Variants in ZNF229 observed in about 807,000 individuals in gnomAD.
ZNF229 encodes the protein zinc finger protein 229.
ZNF229 carries 10 observed loss-of-function variants against 11.8 expected under a neutral mutation model. The observed-to-expected ratio is 0.85, with a 90% CI of 0.52 to 1.44. ZNF229 has a LOEUF of 1.44. Ranked by LOEUF, ZNF229 falls within the 40% of genes most tolerant of loss-of-function variation. The pLI, the probability that ZNF229 is intolerant of heterozygous loss-of-function variation, is 0.00. For missense variants in ZNF229, 1,045 were observed against 1,015.1 expected (o/e 1.03, Z -0.40); for synonymous variants, 368 against 374.8 (o/e 0.98, Z 0.21).
Position 44,430,505 on chromosome 19 carries a change from A to T in ZNF229, c.276T>A (p.Asp92Glu). The part of the protein sequence containing the change: ...KNGKDTEYIQ[D>E]EELRFFSHKE... ...TGTGTGAAAAGAACCTTAATTCTTC[A>T]TCTTGAATATACTCCGTATCCTTTC... The change falls in exon 6 of 6, where the codon GAT becomes GAA. Residue 92 changes from aspartate to glutamate, a missense_variant. Asp to Glu is a conservative substitution (Grantham distance 45). Coordinates refer to ENST00000614049, the MANE Select transcript of ZNF229 (RefSeq NM_014518.4). 1 of 1,614,082 alleles carries T rather than the reference A, an allele frequency of 6.2e-7. No individual in the cohort carries two copies. Among genetic ancestry groups the T allele is most frequent in the Non-Finnish European group, 8.5e-7 (1 of 1,180,012 alleles).
At chr19:44,445,412 C>T (rs763416684) in intron 2 of ZNF229, among the ~76,000 whole-genome samples, 5 of 152,206 alleles carry the variant, frequency 3.3e-5, no homozygotes, top group Admixed American at 2.6e-4. Flanking sequence ...AAAGACCTTA[C>T]ACTATCTTCC....
At chr19:44,442,713 C>G in intron 3 of ZNF229, 92 bp from the exon 4 acceptor site, 3 of 1,603,572 alleles carry the variant, frequency 1.9e-6, no homozygotes, top group Non-Finnish European at 2.6e-6. Flanking sequence ...GCTTTACAGA[C>G]TGGTTTCTTC....
chr19:44,441,393 A>G (rs1418232650), intron 4 of ZNF229, among the ~76,000 whole-genome samples: 1 of 152,236 alleles, frequency 6.6e-6, no homozygotes, highest in Non-Finnish European at 1.5e-5. Flanking sequence ...AAATTATTTC[A>G]CAATCTCTTT....
intron 2 of ZNF229, among the ~76,000 whole-genome samples, chr19:44,446,050 T>C (rs771957819): frequency 5.3e-5 from 8 of 152,220 alleles, no homozygotes; most frequent in Admixed American, 2.6e-4. Flanking sequence ...GAATATCTAC[T>C]GTGTTCCATG....
At chr19:44,442,761 C>T in intron 3 of ZNF229, 53 bp downstream of exon 3, 1 of 1,610,744 alleles carries the variant, frequency 6.2e-7, no homozygotes, top group Non-Finnish European at 8.5e-7. Flanking sequence ...ACTTTTTCTC[C>T]TCCACACTCA....
Position 44,430,284 on chromosome 19 carries a change from A to T in ZNF229, c.497T>A (p.Ile166Asn). The change falls in exon 6 of 6, where the codon ATC becomes AAC. Residue 166 changes from isoleucine to asparagine, a missense_variant. Transcript: ENST00000614049. ...TGGAAACTGTTGATTTTCTAGACCG[A>T]TAAGCCCATCCCCTTGTAGACTGTC... Reference protein sequence around the residue: ...FLDSLQGDGLIGLENQQFPAW... With the variant: ...FLDSLQGDGLNGLENQQFPAW... 9 of 1,614,130 alleles carry T rather than the reference A, an allele frequency of 5.6e-6. No individual in the cohort carries two copies. Among genetic ancestry groups the T allele is most frequent in the Non-Finnish European group, 7.6e-6 (9 of 1,180,046 alleles).
Position 44,430,002 on chromosome 19 carries a change from G to A in ZNF229, c.779C>T (p.Pro260Leu). 6.2e-7 allele frequency: 1 copy of A among 1,614,104 alleles called. No individual in the cohort carries two copies. Among genetic ancestry groups the A allele is most frequent in the African/African-American group, 1.3e-5 (1 of 74,990 alleles). ...GTTACTTTTCAAGCCATTCTCTCCA[G>A]GGTTAATGCGATGAAGTACAGAGTT... ...IKNSVLHRIN[P>L]GENGLKSNEY... is the part of the protein sequence containing the mutation. The change falls in exon 6 of 6, where the codon CCT (proline) becomes CTT (leucine). Residue 260 changes from proline to leucine, a missense_variant. Coordinates refer to ENST00000614049, the MANE Select transcript of ZNF229 (RefSeq NM_014518.4).
intron 4 of ZNF229, among the ~76,000 whole-genome samples, chr19:44,434,944 G>C (rs1971786979): frequency 6.6e-6 from 1 of 152,050 alleles, no homozygotes; most frequent in African/African-American, 2.4e-5. Context: ...CTGTTCTCAT[G>C]ATGGTGAATA....
chr19:44,442,171 C>A (rs1385225461), intron 4 of ZNF229, among the ~76,000 whole-genome samples: 1 of 152,108 alleles, frequency 6.6e-6, no homozygotes, highest in Non-Finnish European at 1.5e-5. Context: ...GGGTCTACTA[C>A]ATGGAGAACA....
In ZNF229 at chr19:44,430,081, G is replaced by T; in HGVS notation, c.700C>A (p.Pro234Thr). 1 of 1,614,062 alleles carries T rather than the reference G, an allele frequency of 6.2e-7. No individual in the cohort carries two copies. The highest frequency in any genetic ancestry group is 8.5e-7 in the Non-Finnish European group (1 of 1,180,030). Reference sequence around the variant, plus strand: ...CAACCACACGGCTTGTCTATTTCAGGGAATCTGTGATCAACATGACAAGAT... The same window carrying T: ...CAACCACACGGCTTGTCTATTTCAGTGAATCTGTGATCAACATGACAAGAT... Reference protein sequence around the residue: ...WISCHVDHRFPEIDKPCGCNK... With the variant: ...WISCHVDHRFTEIDKPCGCNK... The change falls in exon 6 of 6, where the codon CCT becomes ACT. Residue 234 changes from proline (P) to threonine (T), a missense_variant. Physicochemically the swap from Pro to Thr is conservative, Grantham distance 38. Transcript: ENST00000614049.
At position 44,428,391 on chromosome 19, in the gene ZNF229, G is replaced by T. The variant is rs778421395; in HGVS notation, c.2390C>A (p.Thr797Lys). Residue 797 changes from threonine (T) to lysine (K), a missense_variant, in exon 6 of 6, where the codon ACG (threonine) becomes AAG (lysine). Transcript: ENST00000614049. ...GAAGCCTTTCCCACACACACCACAC[G>T]TATAGGGCTTCTCTCCAGTGTGGAC... is the stretch of plus-strand genomic sequence containing the variant. ...QRVHTGEKPYTCGVCGKGFSY... is the reference protein window; with the variant it reads ...QRVHTGEKPYKCGVCGKGFSY... The T allele has an allele frequency of 6.2e-7, 1 of 1,614,010 alleles. No individual in the cohort carries two copies. The highest frequency in any genetic ancestry group is 8.5e-7 in the Non-Finnish European group (1 of 1,180,002).
intron 4 of ZNF229, among the ~76,000 whole-genome samples, chr19:44,434,631 G>C (rs1173553292): frequency 6.6e-6 from 1 of 152,180 alleles, no homozygotes; most frequent in Non-Finnish European, 1.5e-5. Context: ...AAGCTTTCTT[G>C]AGAACTGCAT....
chr19:44,428,464 A>G lies in ZNF229; in HGVS notation c.2317T>C (p.Cys773Arg). ...GAGTTGCGGCCAAAGCCCTTCCCAC[A>G]CTCCTCACATTTATAGGGTTTCTCA... ...TGEKPYKCEE[C>R]GKGFGRNSCL... Residue 773 changes from cysteine to arginine, a missense_variant, in exon 6 of 6, where the codon TGT (cysteine) becomes CGT (arginine). Coordinates refer to ENST00000614049, the MANE Select transcript of ZNF229 (RefSeq NM_014518.4). The G allele has an allele frequency of 1.2e-6, 2 of 1,613,436 alleles. No homozygotes were observed. Among genetic ancestry groups the G allele is most frequent in the African/African-American group, 1.3e-5 (1 of 74,716 alleles).
chr19:44,448,123 A>C (rs988018977), intron 1 of ZNF229, among the ~76,000 whole-genome samples, 186 bp downstream of exon 1: 1 of 152,214 alleles, frequency 6.6e-6, no homozygotes, highest in African/African-American at 2.4e-5. Flanking sequence ...CTACCCTGAG[A>C]AAATTCATGT....
rs1250869310 is a variant in ZNF229, at chr19:44,429,171, C to G, written c.1610G>C (p.Arg537Thr). 1.9e-6 allele frequency: 3 copies of G among 1,613,888 alleles called. No individual in the cohort carries two copies. In the African/African-American group the frequency reaches 4.0e-5, roughly 22 times the overall value. Residue 537 changes from arginine to threonine, a missense_variant, in exon 6 of 6, where the codon AGA becomes ACA. Transcript: ENST00000614049. ...GTAGGGTTTCTCTCCTGTGTGCAGT[C>G]TCTGATGCATGAGAAGCCCTGAGCT... Reference protein sequence around the residue: ...SYSSGLLMHQRLHTGEKPYKC... With the variant: ...SYSSGLLMHQTLHTGEKPYKC...
At chr19:44,444,299 G>A (rs549067143) in intron 2 of ZNF229, among the ~76,000 whole-genome samples, 1 of 152,062 alleles carries the variant, frequency 6.6e-6, no homozygotes, top group African/African-American at 2.4e-5. Flanking sequence ...ACACATACTT[G>A]GGCTGTCTAC....
chr19:44,434,327 AG>A (rs1971775539), intron 4 of ZNF229, among the ~76,000 whole-genome samples: 1 of 152,072 alleles, frequency 6.6e-6, no homozygotes, highest in African/African-American at 2.4e-5. Context: ...TTGCTACCAC[AG>A]CCCCTCTTCC....
At chr19:44,431,350 T>C (rs1971719292) in intron 5 of ZNF229, among the ~76,000 whole-genome samples, 1 of 152,178 alleles carries the variant, frequency 6.6e-6, no homozygotes, top group African/African-American at 2.4e-5. Context: ...TGTTTTCTGA[T>C]ATTCTTTATT....
intron 4 of ZNF229, among the ~76,000 whole-genome samples, chr19:44,441,602 CGAAT>C: frequency 6.6e-6 from 1 of 152,000 alleles, no homozygotes; most frequent in South Asian, 2.1e-4. Flanking sequence ...GACAAAAGAA[CGAAT>C]GAAACTACAA....
Sources: gnomAD v4.1 joint callset for allele counts (sites outside exome capture counted in the v4.1 genomes callset) on GRCh38, gnomAD v4.1.1 for gene constraint, MANE v1.5 for transcripts, NCBI Gene and HGNC (gene_info 2026-07-23, HGNC 2026-07-21) for gene names.